Variants in DGKG observed in about 807,000 individuals in gnomAD.
DGKG encodes diacylglycerol kinase gamma, also known as DAG kinase gamma.
Under a neutral mutation model 105.3 loss-of-function variants are expected in DGKG, and 78 were observed. The observed-to-expected ratio is 0.74, with a 90% CI of 0.62 to 0.89. DGKG has a LOEUF of 0.89. Ranked by LOEUF, DGKG falls within the 40% of genes least tolerant of loss-of-function variation. DGKG has a pLI of 0.00. For synonymous variants in DGKG, 346 were observed against 367.1 expected, an observed-to-expected ratio of 0.94 and a Z score of 0.66; for missense variants, 958 against 1,020.1, an observed-to-expected ratio of 0.94 and a Z score of 0.83.
Position 186,306,886 on chromosome 3 carries a change from TG to T in DGKG, c.144+14del, listed in dbSNP as rs1724269040. The T allele has an allele frequency of 6.3e-7, 1 of 1,580,392 alleles. No individual in the cohort carries two copies. The highest frequency in any genetic ancestry group is 1.3e-5 in the African/African-American group (1 of 74,202). On this transcript the variant is annotated intron_variant, in intron 3 of 24. Transcript: ENST00000265022. ...CACAGGGGTTTTTAAAGGCTTAAAA[TG>T]GAAATGTTCTTACCTCATGTGGGTC...
At chr3:186,290,650 G>A (rs966409827) in intron 5 of DGKG, among the ~76,000 whole-genome samples, 1 of 152,198 alleles carries the variant, frequency 6.6e-6, no homozygotes, top group Non-Finnish European at 1.5e-5. Context: ...GCACAGAGAA[G>A]GGGAAGCCAG....
intron 16 of DGKG, among the ~76,000 whole-genome samples, chr3:186,258,277 G>A (rs915133703): frequency 3.3e-5 from 5 of 152,080 alleles, no homozygotes; most frequent in African/African-American, 9.7e-5. Context: ...CACTCCTCTC[G>A]GGCTCTCCTG....
intron 21 of DGKG, among the ~76,000 whole-genome samples, chr3:186,201,276 T>G (rs1452089718): frequency 1.3e-5 from 2 of 151,930 alleles, no homozygotes; most frequent in African/African-American, 4.8e-5. Flanking sequence ...TTTTGAGGGA[T>G]CACACTTTCC....
chr3:186,279,629 C>G (rs1224429603), intron 9 of DGKG: 1 of 429,838 alleles, frequency 2.3e-6, no homozygotes. Context: ...GCATGCAGAA[C>G]AGTATTTTTA....
At chr3:186,201,973 A>G (rs1287413799) in intron 21 of DGKG, among the ~76,000 whole-genome samples, 2 of 152,238 alleles carry the variant, frequency 1.3e-5, no homozygotes, top group Non-Finnish European at 2.9e-5. Context: ...TGCAGAGGTC[A>G]TCTCCTACTG....
chr3:186,297,068 T>TCTCTCTCTCTCACACACA (rs1452573661), intron 5 of DGKG, among the ~76,000 whole-genome samples: 1 of 130,420 alleles, frequency 7.7e-6, no homozygotes, highest in African/African-American at 2.9e-5. Context: ...TCTGTCTCTC[T>TCTCTCTCTCTCACACACA]CACACACACA....
rs1177958964 is a variant in DGKG at position 186,297,064 on chromosome 3, T to TCACACACACACA, written c.373+356_373+357insTGTGTGTGTGTG. On this transcript the variant is annotated intron_variant, in intron 5 of 24. Transcript: ENST00000265022. ...ACCTCTCTCTGTCTGTCTGTCTGTC[T>TCACACACACACA]CTCTCACACACACACACACACACAC... Among the ~76,000 whole-genome samples, 209 of 78,536 alleles carry TCACACACACACA rather than the reference T, an allele frequency of 2.7e-3. 1 individual carries two copies. The highest frequency in any genetic ancestry group is 9.7e-3 in the African/African-American group (190 of 19,544). The allele number at this position is 78,536 out of a possible 152,430, so 51.5% of individuals were successfully genotyped here. A position where few individuals can be genotyped will look rare whatever the true frequency, so the allele number is the denominator to read the frequency against.
chr3:186,158,764 T>G (rs1053142089), intron 24 of DGKG: 1 of 948,420 alleles, frequency 1.1e-6, no homozygotes, highest in Non-Finnish European at 1.3e-6. Flanking sequence ...TCTCAGAATA[T>G]GTATTGATAG....
intron 19 of DGKG, among the ~76,000 whole-genome samples, chr3:186,251,554 C>T (rs959186366): frequency 1.3e-5 from 2 of 152,178 alleles, no homozygotes; most frequent in Non-Finnish European, 2.9e-5. Flanking sequence ...AGAATTTACT[C>T]CCTAAGCAAG....
chr3:186,293,232 G>A (rs1723391599), intron 5 of DGKG, among the ~76,000 whole-genome samples: 1 of 152,182 alleles, frequency 6.6e-6, no homozygotes, highest in African/African-American at 2.4e-5. Flanking sequence ...ATAGTATACA[G>A]AGTAGTTTCG....
intron 1 of DGKG, among the ~76,000 whole-genome samples, chr3:186,333,591 T>C (rs1168758982): frequency 6.6e-6 from 1 of 152,206 alleles, no homozygotes; most frequent in African/African-American, 2.4e-5. Flanking sequence ...TATAACATTT[T>C]GTGCAAAATA....
At chr3:186,253,474 G>T (rs1216182970) in intron 17 of DGKG, among the ~76,000 whole-genome samples, 1 of 152,096 alleles carries the variant, frequency 6.6e-6, no homozygotes, top group Non-Finnish European at 1.5e-5. Context: ...CTTTGGGGTG[G>T]CAGCATACAC....
intron 11 of DGKG, among the ~76,000 whole-genome samples, chr3:186,270,291 A>T (rs1322373844): frequency 6.6e-6 from 1 of 152,046 alleles, no homozygotes; most frequent in Non-Finnish European, 1.5e-5. Context: ...ACACCAGGCT[A>T]ATTTTTGTAT....
intron 9 of DGKG, among the ~76,000 whole-genome samples, chr3:186,278,064 C>G (rs887604875): frequency 6.6e-6 from 1 of 152,122 alleles, no homozygotes; most frequent in Non-Finnish European, 1.5e-5. Context: ...TTCTACAAGG[C>G]TGATCTGGCA....
intron 1 of DGKG, among the ~76,000 whole-genome samples, chr3:186,326,397 T>TCAAAAAAAAAAAAAA (rs1560156258): frequency 4.7e-5 from 7 of 149,720 alleles, no homozygotes; most frequent in African/African-American, 1.8e-4. Flanking sequence ...AGACACTGTC[T>TCAAAAAAAAAAAAAA]TAAAAAAAAA....
At chr3:186,161,024 C>A (rs1293400465) in intron 24 of DGKG, 1 of 986,040 alleles carries the variant, frequency 1.0e-6, no homozygotes, top group Non-Finnish European at 1.2e-6. Context: ...GTGCCATAAA[C>A]AAAATAGATA....
chr3:186,213,023 C>A (rs1467891951), intron 20 of DGKG, among the ~76,000 whole-genome samples: 1 of 152,172 alleles, frequency 6.6e-6, no homozygotes, highest in Admixed American at 6.5e-5. Flanking sequence ...AGACACAACT[C>A]TTTTCTGCAG....
chr3:186,229,657 T>C (rs1720044355), intron 20 of DGKG, among the ~76,000 whole-genome samples: 1 of 152,208 alleles, frequency 6.6e-6, no homozygotes, highest in Admixed American at 6.5e-5. Context: ...TATTAACTTC[T>C]GTATGTGCTC....
At chr3:186,160,525 A>G (rs2108475493) in intron 24 of DGKG, 1 of 985,334 alleles carries the variant, frequency 1.0e-6, no homozygotes. Context: ...ATTTTTGCAG[A>G]GAAATTTCTG....
Sources: gnomAD v4.1 joint callset for allele counts (sites outside exome capture counted in the v4.1 genomes callset) on GRCh38, gnomAD v4.1.1 for gene constraint, MANE v1.5 for transcripts, NCBI Gene and HGNC (gene_info 2026-07-23, HGNC 2026-07-21) for gene names.